Variants in C2orf69 observed in about 807,000 individuals in gnomAD.
The protein encoded by C2orf69 is mitochondrial protein C2orf69.
Under a neutral mutation model 29.5 loss-of-function variants are expected in C2orf69, and 19 were observed. The ratio of observed to expected loss-of-function variants is 0.65; its 90% CI spans 0.45 to 0.95. The LOEUF is 0.95. Ranked by LOEUF, C2orf69 falls within the 40% of genes least tolerant of loss-of-function variation. C2orf69 has a pLI of 0.00. For missense variants in C2orf69, 416 were observed against 482.1 expected, an observed-to-expected ratio of 0.86 and a Z score of 1.28; for synonymous variants, 194 against 180.0, an observed-to-expected ratio of 1.08 and a Z score of -0.62.
intron 1 of C2orf69, among the ~76,000 whole-genome samples, chr2:199,922,111 T>G (rs1222496772): frequency 6.7e-6 from 1 of 148,582 alleles, no homozygotes; most frequent in African/African-American, 2.5e-5. Flanking sequence ...TTCTCTTTTT[T>G]TTGAGGCAAG....
chr2:199,919,905 G>T (rs1189518816), intron 1 of C2orf69, among the ~76,000 whole-genome samples: 3 of 152,192 alleles, frequency 2.0e-5, no homozygotes, highest in Non-Finnish European at 2.9e-5. Flanking sequence ...AGAGACACAT[G>T]TCAAGATTTC....
At chr2:199,919,072 C>T (rs1328323484) in intron 1 of C2orf69, among the ~76,000 whole-genome samples, 1 of 152,152 alleles carries the variant, frequency 6.6e-6, no homozygotes, top group African/African-American at 2.4e-5. Flanking sequence ...CTACCTTAGC[C>T]TCTCAAGTAG....
chr2:199,925,618 A>T lies in C2orf69; in HGVS notation c.890A>T (p.Tyr297Phe). 2 of 1,613,946 alleles carry T rather than the reference A, an allele frequency of 1.2e-6. No homozygotes were observed. The highest frequency in any genetic ancestry group is 1.7e-6 in the Non-Finnish European group (2 of 1,179,846). Reference sequence around the variant, plus strand: ...TTTATCAAAAGCATAAGAACAATGTATTGGCTGGATGGTGGTCATTCTGGA... The same window carrying T: ...TTTATCAAAAGCATAAGAACAATGTTTTGGCTGGATGGTGGTCATTCTGGA... ...DAFIKSIRTM[Y>F]WLDGGHSGGS... is the part of the protein sequence containing the mutation. Residue 297 changes from tyrosine (Y) to phenylalanine (F), a missense_variant, in exon 2 of 2, where the codon TAT (tyrosine) becomes TTT (phenylalanine). Tyr to Phe is a conservative substitution (Grantham distance 22). Around this residue, in one of 4 missense-constraint regions of C2orf69, gnomAD observed 225 missense variants for 307.3 expected, o/e 0.73. Coordinates refer to ENST00000319974, the MANE Select transcript of C2orf69 (RefSeq NM_153689.6). This position sits in a 1 kb window ranked among gnomAD's most constrained non-coding sequence, Gnocchi z 4.9.
chr2:199,926,708 TCATTATTTTGGGTAAGA>T lies in C2orf69; in HGVS notation c.*827_*843del, dbSNP rs1186648315. 1.3e-5 allele frequency: 2 copies of T among 152,650 alleles called. No individual in the cohort carries two copies. The highest frequency in any genetic ancestry group is 2.9e-5 in the Non-Finnish European group (2 of 68,040). 9.5% of individuals were successfully genotyped at this position (152,650 alleles called of 1,614,324 possible). On this transcript the variant is annotated 3_prime_UTR_variant, in exon 2 of 2. Coordinates refer to ENST00000319974, the MANE Select transcript of C2orf69 (RefSeq NM_153689.6). ...TGTTTAATTTTTAATTGTCAGTTTA[TCATTATTTTGGGTAAGA>T]CATTCTGGGGTTTCTTGAATCTTGT...
At position 199,911,324 on chromosome 2, in the gene C2orf69, G is replaced by A. The variant is rs1274797283; in HGVS notation, c.-115G>A. On this transcript the variant is annotated 5_prime_UTR_variant, in exon 1 of 2. Coordinates refer to ENST00000319974, the MANE Select transcript of C2orf69 (RefSeq NM_153689.6). ...CGTCGTCGCCTCAGCGCCGGCTCCC[G>A]GCCGGGCCGCGGCCGCCGACCGTTG... The A allele has an allele frequency of 2.4e-6, 3 of 1,272,486 alleles. No individual in the cohort carries two copies. Among genetic ancestry groups the A allele is most frequent in the African/African-American group, 1.6e-5 (1 of 62,982 alleles). The allele number at this position is 1,272,486 out of a possible 1,614,324, so 78.8% of individuals were successfully genotyped here.
chr2:199,921,776 T>A (rs2077317010), intron 1 of C2orf69, among the ~76,000 whole-genome samples: 1 of 152,004 alleles, frequency 6.6e-6, no homozygotes, highest in Non-Finnish European at 1.5e-5. Context: ...TATATGTGTA[T>A]GCTAGAGAAA....
chr2:199,913,345 T>C (rs2077279522), intron 1 of C2orf69, among the ~76,000 whole-genome samples: 1 of 86,210 alleles, frequency 1.2e-5, no homozygotes, highest in South Asian at 3.2e-4. Flanking sequence ...TATTATAATA[T>C]ATATTATATA....
intron 1 of C2orf69, among the ~76,000 whole-genome samples, chr2:199,914,938 A>G (rs188734623): frequency 6.6e-6 from 1 of 152,092 alleles, no homozygotes; most frequent in Non-Finnish European, 1.5e-5. Context: ...CATTTACTAT[A>G]CTAGTTTTCG....
chr2:199,919,630 A>G (rs1452582640), intron 1 of C2orf69, among the ~76,000 whole-genome samples: 1 of 152,250 alleles, frequency 6.6e-6, no homozygotes, highest in Non-Finnish European at 1.5e-5. Context: ...GGTGGAAGGC[A>G]GAAGGGCAAG....
chr2:199,915,718 T>C (rs1391694994), intron 1 of C2orf69, among the ~76,000 whole-genome samples: 3 of 152,024 alleles, frequency 2.0e-5, no homozygotes, highest in Non-Finnish European at 4.4e-5. Context: ...GGTTTCACCA[T>C]GTTGACCAGG....
At position 199,925,011 on chromosome 2, in the gene C2orf69, A is replaced by G. The variant is rs1346989030; in HGVS notation, c.334-51A>G. The G allele has an allele frequency of 8.8e-7, 1 of 1,133,144 alleles. No homozygotes were observed. Among genetic ancestry groups the G allele is most frequent in the Non-Finnish European group, 1.3e-6 (1 of 793,358 alleles). The allele number at this position is 1,133,144 out of a possible 1,614,324, so 70.2% of individuals were successfully genotyped here. On this transcript the variant is annotated intron_variant, in intron 1 of 1. Transcript: ENST00000319974. The surrounding 1 kb of genome is among the most constrained non-coding windows in gnomAD (Gnocchi z 4.9). ...AATGGAAACTTATTTTGTGGAAATC[A>G]TTTTATGTAAATATGTATTTAATAC...
At chr2:199,918,651 T>C (rs1217064590) in intron 1 of C2orf69, among the ~76,000 whole-genome samples, 4 of 152,148 alleles carry the variant, frequency 2.6e-5, no homozygotes, top group Non-Finnish European at 2.9e-5. Flanking sequence ...TGTGAGCCAC[T>C]GTGCCCGGCC....
chr2:199,911,796 C>A, intron 1 of C2orf69, 25 bp downstream of exon 1: 1 of 1,536,846 alleles, frequency 6.5e-7, no homozygotes, highest in South Asian at 1.2e-5. Flanking sequence ...GCCTGGGTAT[C>A]TGTTCCTTCC....
At chr2:199,913,393 CA>C (rs2077280358) in intron 1 of C2orf69, among the ~76,000 whole-genome samples, 1 of 73,524 alleles carries the variant, frequency 1.4e-5, no homozygotes, top group Non-Finnish European at 2.6e-5. Flanking sequence ...TATATAATAA[CA>C]TATATTATAT....
intron 1 of C2orf69, among the ~76,000 whole-genome samples, chr2:199,922,031 T>TATATATATATATATATATATATATATATA (rs1553566021): frequency 1.1e-4 from 9 of 78,960 alleles, no homozygotes; most frequent in South Asian, 5.4e-4. Context: ...ACTGTTATTT[T>TATATATATATATATATATATATATATATA]TATATATATA....
At chr2:199,915,322 A>G (rs548604091) in intron 1 of C2orf69, among the ~76,000 whole-genome samples, 6 of 152,194 alleles carry the variant, frequency 3.9e-5, no homozygotes, top group African/African-American at 9.6e-5. Flanking sequence ...GGGTCTCACT[A>G]TGTTGCCCAC....
intron 1 of C2orf69, among the ~76,000 whole-genome samples, chr2:199,915,503 C>G (rs767750443): frequency 1.3e-5 from 2 of 151,362 alleles, no homozygotes; most frequent in Non-Finnish European, 2.9e-5. Flanking sequence ...GAAGCTTTGC[C>G]TATCTTTTTT....
At chr2:199,913,444 A>AATATATATTATATAAAAT (rs1559292449) in intron 1 of C2orf69, among the ~76,000 whole-genome samples, 38 of 91,542 alleles carry the variant, frequency 4.2e-4, no homozygotes, top group South Asian at 9.1e-4. Flanking sequence ...TATTATATAA[A>AATATATATTATATAAAAT]ATATATATTC....
rs555604111 is a variant in C2orf69 at position 199,916,648 on chromosome 2, A to G, written c.333+4877A>G. Among the ~76,000 whole-genome samples, 154 of 152,390 alleles carry G rather than the reference A, an allele frequency of 1.0e-3. 1 individual carries two copies. Among genetic ancestry groups the G allele is most frequent in the African/African-American group, 3.5e-3 (144 of 41,594 alleles). On this transcript the variant is annotated intron_variant, in intron 1 of 1. Coordinates refer to ENST00000319974, the MANE Select transcript of C2orf69 (RefSeq NM_153689.6). ...AGAAATGGACCAAAACAAAGGGGCT[A>G]CAGGCCCCATGCAGGTCCGAAATCC...
Sources: allele counts gnomAD v4.1 joint callset (sites outside exome capture counted in the v4.1 genomes callset), GRCh38; gene constraint gnomAD v4.1.1; regional missense constraint gnomAD v4.1.1; non-coding constraint Gnocchi (gnomAD v3.1); transcripts MANE v1.5; gene names NCBI Gene and HGNC (gene_info 2026-07-23, HGNC 2026-07-21).